KLHL4: variants seen among roughly 807,000 people sequenced by gnomAD.
KLHL4 encodes the protein kelch-like protein 4.
In KLHL4, 17 loss-of-function variants were observed where a neutral mutation model predicts 45.8. The observed-to-expected ratio is 0.37, with a 90% CI of 0.25 to 0.56. The LOEUF (loss-of-function observed/expected upper bound fraction) is 0.56, where lower values mean the gene tolerates loss of function less well. Ranked by LOEUF, KLHL4 falls within the 20% of genes least tolerant of loss-of-function variation. KLHL4 has a pLI of 0.79. For synonymous variants in KLHL4, 224 were observed against 189.9 expected, an observed-to-expected ratio of 1.18 and a Z score of -1.47; for missense variants, 544 against 544.9, an observed-to-expected ratio of 1.00 and a Z score of 0.02.
chrX:87,615,330 A>G (rs1050755298), intron 3 of KLHL4, among the ~76,000 whole-genome samples: 3 of 111,734 alleles, frequency 2.7e-5, no homozygotes. Flanking sequence ...TTTATAAAGC[A>G]CTATTAAGTT....
At position 87,530,857 on chromosome X, in the gene KLHL4, A is replaced by C. The variant is rs766953042; in HGVS notation, c.422+12542A>C. ...TGAGGAATCGCCACACTGACTTCCA[A>C]AATGGTTGAACTAGTTTACAGTCCC... On this transcript the variant is annotated intron_variant, in intron 1 of 10. Transcript: ENST00000373119. Among the ~76,000 whole-genome samples, 317 of 108,741 alleles carry C rather than the reference A, an allele frequency of 2.9e-3. 6 individuals are homozygous for C. Among genetic ancestry groups the C allele is most frequent in the African/African-American group, 0.01 (296 of 29,425 alleles). 94.4% of individuals were successfully genotyped at this position (108,741 alleles called of 115,157 possible). A position where few individuals can be genotyped will look rare whatever the true frequency, so the allele number is the denominator to read the frequency against.
chrX:87,618,239 T>C (rs1922630510), intron 4 of KLHL4, 111 bp downstream of exon 4: 1 of 550,160 alleles, frequency 1.8e-6, no homozygotes, highest in Non-Finnish European at 2.7e-6. Flanking sequence ...ACATATGATA[T>C]ATTCAACAAA....
chrX:87,648,425 T>C (rs1923707395), intron 9 of KLHL4, among the ~76,000 whole-genome samples: 1 of 111,287 alleles, frequency 9.0e-6, no homozygotes, highest in Non-Finnish European at 1.9e-5. Flanking sequence ...TGGGTGGAAA[T>C]AGGCAACTCA....
rs773363303 is a variant in KLHL4, at chrX:87,669,430, T to C, written c.*2896T>C. 7.7e-5 allele frequency: 92 copies of C among 1,201,224 alleles called. No homozygotes were observed. In the South Asian group the frequency reaches 1.6e-3, roughly 21 times the overall value. On this transcript the variant is annotated 3_prime_UTR_variant, in exon 11 of 11. Coordinates refer to ENST00000373119, the MANE Select transcript of KLHL4 (RefSeq NM_019117.5). ...TTTCTCCACACAGCAATGACATTTA[T>C]CAATCTGACTCAGGTGTGGCTGTTG...
At chrX:87,660,409 G>C (rs1301369026) in intron 9 of KLHL4, among the ~76,000 whole-genome samples, 2 of 112,119 alleles carry the variant, frequency 1.8e-5, no homozygotes, top group African/African-American at 6.5e-5. Context: ...TAAAACTCTT[G>C]ATAGTTGGCA....
rs1250042094 is a variant in KLHL4 at position 87,633,899 on chromosome X, C to A, written c.1700C>A (p.Ala567Glu). The A allele has an allele frequency of 8.3e-7, 1 of 1,201,095 alleles. No homozygotes were observed. Among genetic ancestry groups the A allele is most frequent in the East Asian group, 3.0e-5 (1 of 33,671 alleles). Reference protein sequence around the residue: ...STPRSTVGVVALNNKLYAIGG... With the variant: ...STPRSTVGVVELNNKLYAIGG... ...CCTAGAAGCACAGTTGGTGTTGTTGCATTAAACAACAAGTGAGTAAGTTGA... is the reference window on the plus strand; with the variant it reads ...CCTAGAAGCACAGTTGGTGTTGTTGAATTAAACAACAAGTGAGTAAGTTGA... Residue 567 changes from alanine (A) to glutamate (E), a missense_variant, in exon 8 of 11, where the codon GCA (alanine) becomes GAA (glutamate). Ala to Glu is a moderately radical substitution (Grantham distance 107). Coordinates refer to ENST00000373119, the MANE Select transcript of KLHL4 (RefSeq NM_019117.5).
At chrX:87,598,431 A>C (rs2147804273) in intron 1 of KLHL4, among the ~76,000 whole-genome samples, 1 of 111,428 alleles carries the variant, frequency 9.0e-6, no homozygotes, top group African/African-American at 3.2e-5. Context: ...ATATAAATAT[A>C]GGATATACTG....
At chrX:87,575,209 A>G (rs1182429983) in intron 1 of KLHL4, among the ~76,000 whole-genome samples, 1 of 111,956 alleles carries the variant, frequency 8.9e-6, no homozygotes, top group Non-Finnish European at 1.9e-5. Context: ...ACCAGGCCGC[A>G]CAGCAGGAGG....
chrX:87,617,400 C>T (rs1237165051), intron 3 of KLHL4, among the ~76,000 whole-genome samples: 4 of 109,684 alleles, frequency 3.6e-5, no homozygotes, highest in African/African-American at 1.3e-4. Flanking sequence ...ACAAAATAAA[C>T]GGACAATTAA....
At chrX:87,568,383 C>CTTTTTTTTTTT (rs756469573) in intron 1 of KLHL4, among the ~76,000 whole-genome samples, 27 of 59,213 alleles carry the variant, frequency 4.6e-4, no homozygotes, top group African/African-American at 1.4e-3. Context: ...TTTTTCTTTT[C>CTTTTTTTTTTT]TTTTTTTCTT....
At chrX:87,577,718 A>G (rs1921143235) in intron 1 of KLHL4, among the ~76,000 whole-genome samples, 1 of 111,810 alleles carries the variant, frequency 8.9e-6, no homozygotes, top group Non-Finnish European at 1.9e-5. Flanking sequence ...GAAAAGGATT[A>G]AAGCTCTTAA....
chrX:87,592,477 A>G (rs1463103718), intron 1 of KLHL4, among the ~76,000 whole-genome samples: 2 of 111,513 alleles, frequency 1.8e-5, no homozygotes, highest in Non-Finnish European at 3.8e-5. Context: ...ATTCCCACCA[A>G]CAGTGTACAA....
At chrX:87,625,150 G>T (rs1391179088) in intron 5 of KLHL4, among the ~76,000 whole-genome samples, 3 of 112,604 alleles carry the variant, frequency 2.7e-5, no homozygotes, top group Admixed American at 1.9e-4. Context: ...CATATTCAAA[G>T]GATGAATAAT....
In KLHL4 at chrX:87,661,291, T is replaced by G. The variant is rs189922276; in HGVS notation, c.1926-3473T>G. ...ATTAGCTTGGCTTCCTGTATCTAAA[T>G]GTATGAAACTATATAAGTTGATTTT... On this transcript the variant is annotated intron_variant, in intron 9 of 10. Coordinates refer to ENST00000373119, the MANE Select transcript of KLHL4 (RefSeq NM_019117.5). Among the ~76,000 whole-genome samples, 3 of 111,750 alleles carry G rather than the reference T, an allele frequency of 2.7e-5. No homozygotes were observed. In the Admixed American group the frequency reaches 2.9e-4, roughly 11 times the overall value.
chrX:87,633,455 AG>A (rs1923163744), intron 7 of KLHL4, among the ~76,000 whole-genome samples: 1 of 111,563 alleles, frequency 9.0e-6, no homozygotes. Flanking sequence ...AGAAAAAGCC[AG>A]CTTTTTAAAT....
intron 1 of KLHL4, among the ~76,000 whole-genome samples, chrX:87,598,191 T>A (rs1460637902): frequency 1.8e-5 from 2 of 111,155 alleles, no homozygotes; most frequent in African/African-American, 6.5e-5. Context: ...TATTATTCTC[T>A]GCTTATACTA....
At chrX:87,527,205 C>T (rs1931129474) in intron 1 of KLHL4, among the ~76,000 whole-genome samples, 2 of 111,865 alleles carry the variant, frequency 1.8e-5, no homozygotes, top group Admixed American at 9.5e-5. Context: ...CATGGATTAC[C>T]TAATCTACTA....
intron 1 of KLHL4, among the ~76,000 whole-genome samples, chrX:87,529,413 A>C: frequency 8.9e-6 from 1 of 111,883 alleles, no homozygotes; most frequent in Middle Eastern, 4.7e-3. Flanking sequence ...GTAATACAGA[A>C]AAGTTTTAGT....
At chrX:87,605,937 A>G (rs1922180453) in intron 1 of KLHL4, among the ~76,000 whole-genome samples, 1 of 111,420 alleles carries the variant, frequency 9.0e-6, no homozygotes, top group Non-Finnish European at 1.9e-5. Context: ...TTTTTTAATC[A>G]TGAAGCCTTG....
Sources: gnomAD v4.1 joint callset for allele counts (sites outside exome capture counted in the v4.1 genomes callset) on GRCh38, gnomAD v4.1.1 for gene constraint, MANE v1.5 for transcripts, NCBI Gene and HGNC (gene_info 2026-07-23, HGNC 2026-07-21) for gene names.